Variants in ADAMTS18 observed in about 807,000 individuals in gnomAD.
The protein encoded by ADAMTS18 is A disintegrin and metalloproteinase with thrombospondin motifs 18.
In ADAMTS18, 157 loss-of-function variants were observed where a neutral mutation model predicts 165.9. The ratio of observed to expected loss-of-function variants is 0.95; its 90% CI spans 0.83 to 1.08. The LOEUF is 1.08. ADAMTS18 is among the 50% of genes least tolerant of loss of function. ADAMTS18 has a pLI of 0.00. For synonymous variants in ADAMTS18, 782 were observed against 578.2 expected (o/e 1.35, Z -5.06); for missense variants, 2,040 against 1,534.0 (o/e 1.33, Z -5.51).
chr16:77,350,702 G>A (rs1417932758), intron 10 of ADAMTS18, among the ~76,000 whole-genome samples: 1 of 152,134 alleles, frequency 6.6e-6, no homozygotes, highest in Non-Finnish European at 1.5e-5. Flanking sequence ...TCTTGACTGA[G>A]CATCAGGGTC....
intron 22 of ADAMTS18, 118 bp downstream of exon 22, chr16:77,289,146 C>T (rs989457286): frequency 1.4e-5 from 19 of 1,328,910 alleles, no homozygotes; most frequent in Middle Eastern, 2.0e-4. Context: ...ACATAGACTT[C>T]GGGTGAATGG....
In ADAMTS18 at chr16:77,367,383, C is replaced by G. The variant is rs1295783297; in HGVS notation, c.778+58G>C. ...CAAAGCTTGTACACCCAACAGCACTCAGGAAAACCTGTCGAGGCCCACATA... is the reference window on the plus strand; with the variant it reads ...CAAAGCTTGTACACCCAACAGCACTGAGGAAAACCTGTCGAGGCCCACATA... On this transcript the variant is annotated intron_variant, in intron 4 of 22. Coordinates refer to ENST00000282849, the MANE Select transcript of ADAMTS18 (RefSeq NM_199355.4). The G allele has an allele frequency of 2.5e-6, 4 of 1,608,398 alleles. No homozygotes were observed. The African/African-American group carries it at 4.0e-5, about 16-fold the overall frequency.
intron 10 of ADAMTS18, among the ~76,000 whole-genome samples, chr16:77,345,409 C>T (rs539543454): frequency 3.7e-4 from 57 of 152,242 alleles, no homozygotes; most frequent in African/African-American, 1.4e-3. Flanking sequence ...ATCAAGAAAA[C>T]CCCCACCAGA....
chr16:77,375,163 A>T (rs369480099), intron 3 of ADAMTS18, among the ~76,000 whole-genome samples: 1 of 152,110 alleles, frequency 6.6e-6, no homozygotes, highest in African/African-American at 2.4e-5. Flanking sequence ...AAATATCACA[A>T]ATGGGAATGA....
chr16:77,391,127 A>G (rs941513399), intron 3 of ADAMTS18, among the ~76,000 whole-genome samples: 4 of 152,198 alleles, frequency 2.6e-5, no homozygotes, highest in South Asian at 4.1e-4. Flanking sequence ...ACATAAAGGC[A>G]TAAGTTAAAC....
intron 3 of ADAMTS18, among the ~76,000 whole-genome samples, chr16:77,420,320 G>A (rs1045792483): frequency 2.6e-5 from 4 of 152,104 alleles, no homozygotes; most frequent in East Asian, 3.9e-4. Flanking sequence ...TGTCTAAGAT[G>A]ATTGCATCTC....
intron 3 of ADAMTS18, among the ~76,000 whole-genome samples, chr16:77,428,598 C>A (rs1003419011): frequency 1.3e-5 from 2 of 152,102 alleles, no homozygotes; most frequent in African/African-American, 4.8e-5. Context: ...AGTACAACCA[C>A]TTTGAAAAGC....
rs761672240 is a variant in ADAMTS18 at position 77,363,863 on chromosome 16, C to G, written c.995G>C (p.Gly332Ala). ...MNMVSGLFKD[G>A]TIGSDINVVV... is the part of the protein sequence containing the mutation. ...CACGTTTATGTCACTTCCAATAGTC[C>G]CATCTTTAAATAGGCCAGAAACCTG... is the stretch of plus-strand genomic sequence containing the variant. The change falls in exon 6 of 23, where the codon GGG becomes GCG. Residue 332 changes from glycine to alanine, a missense_variant. Gly to Ala is a moderately conservative substitution (Grantham distance 60). Transcript: ENST00000282849. 4.3e-6 allele frequency: 7 copies of G among 1,613,914 alleles called. No homozygotes were observed. In the Admixed American group the frequency reaches 5.0e-5, roughly 12 times the overall value.
At chr16:77,351,049 A>G (rs930562253) in intron 10 of ADAMTS18, among the ~76,000 whole-genome samples, 1 of 152,164 alleles carries the variant, frequency 6.6e-6, no homozygotes, top group Non-Finnish European at 1.5e-5. Context: ...AACTGTTTCT[A>G]CTAGACAGGA....
At chr16:77,347,002 G>A (rs1009977976) in intron 10 of ADAMTS18, among the ~76,000 whole-genome samples, 4 of 152,016 alleles carry the variant, frequency 2.6e-5, no homozygotes, top group South Asian at 2.1e-4. Context: ...TTCTGATTTC[G>A]GTCACCAATA....
chr16:77,371,817 C>T (rs2056880222), intron 3 of ADAMTS18, among the ~76,000 whole-genome samples: 1 of 152,068 alleles, frequency 6.6e-6, no homozygotes, highest in Non-Finnish European at 1.5e-5. Flanking sequence ...AGGAAACAAT[C>T]AATAGACTAA....
Position 77,341,782 on chromosome 16 carries a change from A to C in ADAMTS18, c.1632T>G (p.Leu544=), listed in dbSNP as rs74251611. The C allele has an allele frequency of 4.2e-4, 673 of 1,612,844 alleles. 11 individuals are homozygous for C. The East Asian group carries it at 0.012, about 28-fold the overall frequency. Residue 544 remains leucine, a synonymous_variant, in exon 11 of 23, where the codon CTT becomes CTG. Transcript: ENST00000282849. ...LGFVKDICKS[L]WCHRVGHRCE... is the part of the protein sequence containing the mutation. ...ACCTGTGGCCTACTCGGTGGCACCA[A>C]AGTGATTTGCAAATATCCTGAAATA...
At chr16:77,313,941 T>C (rs1329364176) in intron 16 of ADAMTS18, among the ~76,000 whole-genome samples, 2 of 152,220 alleles carry the variant, frequency 1.3e-5, no homozygotes, top group Non-Finnish European at 2.9e-5. Flanking sequence ...GTTCAATTTC[T>C]ATGCCTTAGG....
chr16:77,430,909 C>T (rs987431646), intron 3 of ADAMTS18, among the ~76,000 whole-genome samples: 15 of 152,156 alleles, frequency 9.9e-5, no homozygotes, highest in Non-Finnish European at 5.9e-5. Context: ...AATGCAATTT[C>T]GCATTGAAAT....
At chr16:77,333,691 C>T (rs1047317824) in intron 12 of ADAMTS18, among the ~76,000 whole-genome samples, 1 of 151,234 alleles carries the variant, frequency 6.6e-6, no homozygotes, top group Non-Finnish European at 1.5e-5. Flanking sequence ...TGGAAGTAAC[C>T]TAAGAGTCCC....
chr16:77,366,964 G>C (rs1447007564), intron 4 of ADAMTS18, among the ~76,000 whole-genome samples: 2 of 151,980 alleles, frequency 1.3e-5, no homozygotes, highest in Non-Finnish European at 2.9e-5. Context: ...ATTTCTATTG[G>C]ACATCGCTGG....
At chr16:77,361,992 T>C in intron 7 of ADAMTS18, 113 bp downstream of exon 7, 1 of 1,245,130 alleles carries the variant, frequency 8.0e-7, no homozygotes, top group Non-Finnish European at 1.1e-6. Context: ...CTCCATAATT[T>C]AAATATTATG....
chr16:77,333,825 T>C (rs891838629), intron 12 of ADAMTS18, among the ~76,000 whole-genome samples: 1 of 146,866 alleles, frequency 6.8e-6, no homozygotes, highest in African/African-American at 2.5e-5. Context: ...TATATATTAA[T>C]AGTATATATT....
In ADAMTS18 at chr16:77,415,725, C is replaced by CAA. The variant is rs71137817; in HGVS notation, c.495+15568_495+15569dup. ...ACTGGAGTAATGAATGCTGGGTAGG[C>CAA]AAAAAAAAAAAAAAAAATCAGAGGT... On this transcript the variant is annotated intron_variant, in intron 3 of 22. Coordinates refer to ENST00000282849, the MANE Select transcript of ADAMTS18 (RefSeq NM_199355.4). Among the ~76,000 whole-genome samples the CAA allele has an allele frequency of 3.7e-4, 38 of 101,962 alleles. 2 individuals are homozygous for CAA. Among genetic ancestry groups the CAA allele is most frequent in the African/African-American group, 9.9e-4 (26 of 26,378 alleles). The allele number at this position is 101,962 out of a possible 152,430, so 66.9% of individuals were successfully genotyped here. A position where few individuals can be genotyped will look rare whatever the true frequency, so the allele number is the denominator to read the frequency against.
Sources: gnomAD v4.1 joint callset for allele counts (sites outside exome capture counted in the v4.1 genomes callset) on GRCh38, gnomAD v4.1.1 for gene constraint, MANE v1.5 for transcripts, NCBI Gene and HGNC (gene_info 2026-07-23, HGNC 2026-07-21) for gene names.